DDX55: variants seen among roughly 807,000 people sequenced by gnomAD.
The protein encoded by DDX55 is DEAD-box helicase 55, also known as ATP-dependent RNA helicase DDX55.
In DDX55, 56 loss-of-function variants were observed where a neutral mutation model predicts 69.2. That is an observed-to-expected ratio of 0.81 (90% CI 0.65 to 1.01). The LOEUF (loss-of-function observed/expected upper bound fraction) is 1.01, where lower values mean the gene tolerates loss of function less well. DDX55 is among the 50% of genes least tolerant of loss of function. The probability of loss-of-function intolerance (pLI) is 0.00; values close to 1 mark genes in which losing one functional copy is unlikely to be tolerated. For missense variants in DDX55, 720 were observed against 745.1 expected, an observed-to-expected ratio of 0.97 and a Z score of 0.39; for synonymous variants, 268 against 273.1, an observed-to-expected ratio of 0.98 and a Z score of 0.18.
chr12:123,619,160 G>A (rs1313738696), intron 12 of DDX55, among the ~76,000 whole-genome samples: 24 of 152,084 alleles, frequency 1.6e-4, no homozygotes, highest in African/African-American at 4.1e-4. Flanking sequence ...CCGCCACCAC[G>A]CCCAGCTAAT....
Position 123,619,571 on chromosome 12 carries a change from A to T in DDX55, c.1473A>T (p.Arg491Ser). The T allele has an allele frequency of 6.2e-7, 1 of 1,614,164 alleles. No homozygotes were observed. The highest frequency in any genetic ancestry group is 8.5e-7 in the Non-Finnish European group (1 of 1,180,032). The stretch of plus-strand genomic sequence containing the variant: ...CGATTCCATTTAAAGATAAAATCAG[A>T]GAAAAGCAGAGGCAGAAACTCCTGG... ...TDTIPFKDKI[R>S]EKQRQKLLEQ... Residue 491 changes from arginine (R) to serine (S), a missense_variant, in exon 13 of 14, where the codon AGA becomes AGT. Arg to Ser is a moderately radical substitution (Grantham distance 110). Transcript: ENST00000238146.
At chr12:123,603,447 A>C (rs1436724645) in intron 1 of DDX55, among the ~76,000 whole-genome samples, 1 of 142,062 alleles carries the variant, frequency 7.0e-6, no homozygotes, top group Non-Finnish European at 1.5e-5. Context: ...GCTGGAGTGC[A>C]GTGGCGCGAT....
chr12:123,620,350 G>A lies in DDX55; in HGVS notation c.*210G>A, dbSNP rs1955043901. 1 of 433,546 alleles carries A rather than the reference G, an allele frequency of 2.3e-6. No homozygotes were observed. The highest frequency in any genetic ancestry group is 4.0e-5 in the Admixed American group (1 of 24,966). 26.9% of individuals were successfully genotyped at this position (433,546 alleles called of 1,614,324 possible). On this transcript the variant is annotated 3_prime_UTR_variant, in exon 14 of 14. Coordinates refer to ENST00000238146, the MANE Select transcript of DDX55 (RefSeq NM_020936.3). Reference sequence around the variant, plus strand: ...CATTCCAGTCTTGGCCGGGTGCGGTGGCTCCTGCCTATAATCCCAGCACTT... The same window carrying A: ...CATTCCAGTCTTGGCCGGGTGCGGTAGCTCCTGCCTATAATCCCAGCACTT...
Position 123,619,404 on chromosome 12 carries a change from G to A in DDX55, c.1334-28G>A, listed in dbSNP as rs200011470. 4.8e-5 allele frequency: 77 copies of A among 1,597,712 alleles called. No homozygotes were observed. In the African/African-American group the frequency reaches 6.5e-4, roughly 13 times the overall value. ...TGATTGTTCTAATCCTGTTGAGTGC[G>A]CTAACTCTGATCTTCTGATTGAATC... is the stretch of plus-strand genomic sequence containing the variant. On this transcript the variant is annotated intron_variant, in intron 12 of 13. Coordinates refer to ENST00000238146, the MANE Select transcript of DDX55 (RefSeq NM_020936.3).
At chr12:123,609,141 G>T (rs1954060761) in intron 6 of DDX55, among the ~76,000 whole-genome samples, 1 of 151,724 alleles carries the variant, frequency 6.6e-6, no homozygotes, top group Admixed American at 6.6e-5. Context: ...TTTTGCAGAT[G>T]AGGTTTTGCC....
chr12:123,608,604 A>G (rs1954026228), intron 5 of DDX55, 76 bp from the exon 6 acceptor site: 1 of 1,556,276 alleles, frequency 6.4e-7, no homozygotes, highest in Admixed American at 1.8e-5. Context: ...GGGATATAAA[A>G]CTTGGTATTT....
At chr12:123,610,757 G>A (rs1435833698) in intron 7 of DDX55, among the ~76,000 whole-genome samples, 27 of 149,812 alleles carry the variant, frequency 1.8e-4, no homozygotes, top group African/African-American at 5.9e-4. Context: ...GACTACAGGC[G>A]CCCGCCACCA....
chr12:123,616,379 T>A (rs1954667429), intron 9 of DDX55, 132 bp from the exon 10 acceptor site: 12 of 754,924 alleles, frequency 1.6e-5, no homozygotes, highest in Non-Finnish European at 2.4e-5. Context: ...AAAATCAAAA[T>A]ATTACCTTAA....
rs201718428 is a variant in DDX55, at chr12:123,619,176, G to C, written c.1334-256G>C. Among the ~76,000 whole-genome samples the C allele has an allele frequency of 3.3e-5, 5 of 152,236 alleles. No individual in the cohort carries two copies. In the East Asian group the frequency reaches 9.6e-4, roughly 29 times the overall value. On this transcript the variant is annotated intron_variant, in intron 12 of 13. Transcript: ENST00000238146. The stretch of plus-strand genomic sequence containing the variant: ...CGCCACCACGCCCAGCTAATTTTTT[G>C]TATTTTTTAGTAGAGACGGGGTTTC...
rs767943918 is a variant in DDX55 at position 123,613,137 on chromosome 12, T to C, written c.742-33T>C. ...CCATGGGGATTATTATTGCCAAATA[T>C]GTTTTTTATTAGTTTCCCTTTTTAT... On this transcript the variant is annotated intron_variant, in intron 7 of 13. Transcript: ENST00000238146. 4 of 1,607,158 alleles carry C rather than the reference T, an allele frequency of 2.5e-6. No homozygotes were observed. In the South Asian group the frequency reaches 3.3e-5, roughly 13 times the overall value.
intron 9 of DDX55, among the ~76,000 whole-genome samples, chr12:123,615,944 T>C (rs1292661465): frequency 6.6e-6 from 1 of 152,114 alleles, no homozygotes; most frequent in Non-Finnish European, 1.5e-5. Context: ...ACTGCGCCAG[T>C]GCACTCCAGC....
intron 1 of DDX55, chr12:123,605,199 T>G (rs1182571948): frequency 6.5e-6 from 1 of 153,542 alleles, no homozygotes; most frequent in Non-Finnish European, 1.4e-5. Flanking sequence ...TAAAAAAATT[T>G]TCTTTGTAGA....
At position 123,620,620 on chromosome 12, in the gene DDX55, ATATATAT is replaced by A. The variant is rs571625500; in HGVS notation, c.*481_*487del. ...TATATATATATATATATATATATAT[ATATATAT>A]AAGCTCTTTTTTCTGAGGCTATTTT... On this transcript the variant is annotated 3_prime_UTR_variant, in exon 14 of 14. Transcript: ENST00000238146. The A allele has an allele frequency of 1.4e-3, 136 of 96,656 alleles. No individual in the cohort carries two copies. The highest frequency in any genetic ancestry group is 1.9e-3 in the Non-Finnish European group (86 of 44,966). 6.0% of individuals were successfully genotyped at this position (96,656 alleles called of 1,614,324 possible).
intron 1 of DDX55, 100 bp from the exon 2 acceptor site, chr12:123,605,831 C>T: frequency 1.3e-6 from 2 of 1,506,268 alleles, no homozygotes; most frequent in South Asian, 1.1e-5. Flanking sequence ...GTGGTGGGAC[C>T]CACTGTGACC....
chr12:123,617,017 G>A (rs1322248391), intron 10 of DDX55, among the ~76,000 whole-genome samples: 2 of 152,164 alleles, frequency 1.3e-5, no homozygotes, highest in African/African-American at 4.8e-5. Flanking sequence ...TTAGCCAGGC[G>A]TGTGTTCCTG....
At chr12:123,604,469 C>G (rs972055366) in intron 1 of DDX55, among the ~76,000 whole-genome samples, 1 of 152,056 alleles carries the variant, frequency 6.6e-6, no homozygotes, top group African/African-American at 2.4e-5. Context: ...GCAGGCAGGG[C>G]TGGAGATGAA....
intron 7 of DDX55, among the ~76,000 whole-genome samples, chr12:123,612,858 A>G (rs1019696616): frequency 6.6e-6 from 1 of 152,078 alleles, no homozygotes; most frequent in African/African-American, 2.4e-5. Context: ...AGGTAAATAA[A>G]TAAAAATCTA....
chr12:123,618,651 G>A lies in DDX55; in HGVS notation c.1165-18G>A, dbSNP rs1421233899. 38 of 1,608,800 alleles carry A rather than the reference G, an allele frequency of 2.4e-5. No individual in the cohort carries two copies. Among genetic ancestry groups the A allele is most frequent in the Non-Finnish European group, 3.1e-5 (36 of 1,177,134 alleles). On this transcript the variant is annotated intron_variant, in intron 11 of 13. Coordinates refer to ENST00000238146, the MANE Select transcript of DDX55 (RefSeq NM_020936.3). ...GCCAGCCAGGGAAGGTGAGAATGTG[G>A]TATGTGTGTGTGTGTAGTGCCCCCT...
chr12:123,609,862 C>T, intron 6 of DDX55, 77 bp from the exon 7 acceptor site: 3 of 1,487,566 alleles, frequency 2.0e-6, no homozygotes, highest in East Asian at 2.3e-5. Context: ...TTTTGAATAC[C>T]TGTTTAGTAT....
Sources: gnomAD v4.1 joint callset for allele counts (sites outside exome capture counted in the v4.1 genomes callset) on GRCh38, gnomAD v4.1.1 for gene constraint, MANE v1.5 for transcripts, NCBI Gene and HGNC (gene_info 2026-07-23, HGNC 2026-07-21) for gene names.